The following STARD8 variants were observed in gnomAD, a reference collection of about 807,000 sequenced individuals.
The protein encoded by STARD8 is StAR related lipid transfer domain containing 8.
A neutral mutation model predicts 69.4 loss-of-function variants in STARD8; 25 were observed. The ratio of observed to expected loss-of-function variants is 0.36; its 90% CI spans 0.26 to 0.50. The LOEUF is 0.50. STARD8 is among the 20% of genes least tolerant of loss of function. The pLI is 0.96. For synonymous variants in STARD8, 389 were observed against 374.6 expected, an observed-to-expected ratio of 1.04 and a Z score of -0.45; for missense variants, 921 against 932.5, an observed-to-expected ratio of 0.99 and a Z score of 0.16.
At chrX:68,650,481 GGGAGGAGGA>G (rs373796316) in intron 1 of STARD8, among the ~76,000 whole-genome samples, 130 of 82,590 alleles carry the variant, frequency 1.6e-3, no homozygotes, top group African/African-American at 7.2e-3. Flanking sequence ...GGAGGAGGAG[GGGAGGAGGA>G]GGAGGAGGAG....
intron 2 of STARD8, among the ~76,000 whole-genome samples, chrX:68,705,934 C>T (rs2080003317): frequency 8.9e-6 from 1 of 112,528 alleles, no homozygotes; most frequent in Non-Finnish European, 1.9e-5. Flanking sequence ...GGATGTTATA[C>T]AGAAGGTAGA....
At position 68,705,629 on chromosome X, in the gene STARD8, A is replaced by T. The variant is rs2080000384; in HGVS notation, c.80-7285A>T. On this transcript the variant is annotated intron_variant, in intron 2 of 14. Coordinates refer to ENST00000374599, the MANE Select transcript of STARD8 (RefSeq NM_001142503.3). ...CCTGGGGGGAGGGTGGGCTGCCCAG[A>T]GGGGCCGGAGGCCCCAGATAAGGCA... Among the ~76,000 whole-genome samples the T allele has an allele frequency of 4.4e-5, 5 of 112,584 alleles. No homozygotes were observed. The South Asian group carries it at 1.8e-3, about 41-fold the overall frequency.
rs138743466 is a variant in STARD8, at chrX:68,697,336, T to A, written c.80-15578T>A. 8.1e-3 allele frequency among the ~76,000 whole-genome samples: 903 copies of A among 112,170 alleles called. 3 individuals carry two copies. Among genetic ancestry groups the A allele is most frequent in the African/African-American group, 0.019 (588 of 30,824 alleles). On this transcript the variant is annotated intron_variant, in intron 2 of 14. Transcript: ENST00000374599. Reference sequence around the variant, plus strand: ...CGGACAGAGGCAGTGGCATTTGAGCTGAACCTTGGAAGAGAGGCCCAGGAA... The same window carrying A: ...CGGACAGAGGCAGTGGCATTTGAGCAGAACCTTGGAAGAGAGGCCCAGGAA...
chrX:68,690,771 A>G (rs999578100), intron 2 of STARD8, among the ~76,000 whole-genome samples: 1 of 112,366 alleles, frequency 8.9e-6, no homozygotes, highest in African/African-American at 3.2e-5. Flanking sequence ...TGGGGCCAGC[A>G]TTTAGCTCTA....
At chrX:68,653,359 A>C (rs1294025943) in intron 1 of STARD8, among the ~76,000 whole-genome samples, 55 of 7,494 alleles carry the variant, frequency 7.3e-3, no homozygotes, top group Non-Finnish European at 9.1e-3. Flanking sequence ...CCCCACACAC[A>C]CCCCCAAACG....
chrX:68,693,866 C>A (rs1271774814), intron 2 of STARD8: 2 of 740,225 alleles, frequency 2.7e-6, no homozygotes, highest in Non-Finnish European at 3.2e-6. Flanking sequence ...TCCAGACAAA[C>A]GGGGGCGCCT....
chrX:68,696,205 G>T (rs926024969), intron 2 of STARD8, among the ~76,000 whole-genome samples: 3 of 112,490 alleles, frequency 2.7e-5, no homozygotes, highest in Non-Finnish European at 5.6e-5. Flanking sequence ...AGGGCTTTAG[G>T]GTGGGAAGTG....
chrX:68,689,308 C>G lies in STARD8; in HGVS notation c.80-23606C>G, dbSNP rs142274608. ...CTCCCCGAGGCGTTAGTGGGGTGCT[C>G]CATCTGCCTGCAGCAGAAAACCTCT... On this transcript the variant is annotated intron_variant, in intron 2 of 14. Coordinates refer to ENST00000374599, the MANE Select transcript of STARD8 (RefSeq NM_001142503.3). Among the ~76,000 whole-genome samples the G allele has an allele frequency of 7.9e-3, 853 of 107,435 alleles. 14 individuals carry two copies. The highest frequency in any genetic ancestry group is 0.028 in the African/African-American group (814 of 29,457). 93.3% of individuals were successfully genotyped at this position (107,435 alleles called of 115,157 possible). A position where few individuals can be genotyped will look rare whatever the true frequency, so the allele number is the denominator to read the frequency against.
rs1277587122 is a variant in STARD8, at chrX:68,722,433, C to T, written c.2586C>T (p.Asp862=). ...DCKKLFQVPQ[D]MVLQLCSSYS... is the part of the protein sequence containing the mutation. ...GTGTGCCCTCTCAGGTGCCCCAGGACATGGTGCTGCAGCTGTGCAGCTCCT... is the reference window on the plus strand; with the variant it reads ...GTGTGCCCTCTCAGGTGCCCCAGGATATGGTGCTGCAGCTGTGCAGCTCCT... The change falls in exon 12 of 15, where the codon GAC becomes GAT. Residue 862 remains aspartate (D), a synonymous_variant. Coordinates refer to ENST00000374599, the MANE Select transcript of STARD8 (RefSeq NM_001142503.3). 1 of 1,199,997 alleles carries T rather than the reference C, an allele frequency of 8.3e-7. No individual in the cohort carries two copies. Among genetic ancestry groups the T allele is most frequent in the Admixed American group, 2.2e-5 (1 of 44,901 alleles).
intron 2 of STARD8, among the ~76,000 whole-genome samples, chrX:68,688,235 A>T (rs1269809542): frequency 8.9e-6 from 1 of 111,738 alleles, no homozygotes; most frequent in African/African-American, 3.3e-5. Context: ...AACCAAACAC[A>T]TCCCATGCCC....
chrX:68,692,004 C>G (rs1206561262), intron 2 of STARD8, among the ~76,000 whole-genome samples: 5 of 112,504 alleles, frequency 4.4e-5, no homozygotes, highest in Non-Finnish European at 1.9e-5. Flanking sequence ...GACAAGGTTT[C>G]TTGCCCTTAG....
At chrX:68,662,079 C>T (rs1446856396) in intron 1 of STARD8, among the ~76,000 whole-genome samples, 1 of 107,844 alleles carries the variant, frequency 9.3e-6, no homozygotes, top group African/African-American at 3.4e-5. Context: ...GTGATCTCAG[C>T]TCACTGCAAC....
chrX:68,724,405 C>A lies in STARD8; in HGVS notation c.3295C>A (p.Pro1099Thr), dbSNP rs1195087264. Residue 1099 changes from proline (P) to threonine (T), a missense_variant, in exon 15 of 15, where the codon CCT becomes ACT. Physicochemically the swap from Pro to Thr is conservative, Grantham distance 38. Transcript: ENST00000374599. ...CTTCCCCACCCTGCAGGCAGCGGGC[C>A]CTGAGACAAAGCTGTGAGCCTTGGG... ...DSFPTLQAAG[P>T]ETKL 55 of 1,202,391 alleles carry A rather than the reference C, an allele frequency of 4.6e-5. No individual in the cohort carries two copies. The highest frequency in any genetic ancestry group is 5.6e-5 in the Non-Finnish European group (50 of 891,230).
chrX:68,684,109 G>C (rs929896889), intron 2 of STARD8, among the ~76,000 whole-genome samples: 14 of 112,640 alleles, frequency 1.2e-4, no homozygotes, highest in African/African-American at 3.9e-4. Flanking sequence ...ATCCATTCTT[G>C]CATCTCCTCT....
chrX:68,675,382 C>T (rs1218327399), intron 2 of STARD8, among the ~76,000 whole-genome samples: 2 of 111,708 alleles, frequency 1.8e-5, no homozygotes, highest in African/African-American at 3.3e-5. Context: ...GGATGAGCCA[C>T]CATGCCTTGC....
intron 1 of STARD8, among the ~76,000 whole-genome samples, chrX:68,652,873 C>CCACACACACCACACACACACA (rs2079561132): frequency 6.5e-4 from 1 of 1,535 alleles, no homozygotes; most frequent in Non-Finnish European, 1.2e-3. Context: ...ACACACACAC[C>CCACACACACCACACACACACA]CACACCCCAC....
chrX:68,713,821 G>C (rs997088789), intron 3 of STARD8, among the ~76,000 whole-genome samples: 2 of 111,688 alleles, frequency 1.8e-5, no homozygotes, highest in Non-Finnish European at 3.8e-5. Flanking sequence ...CCAAGCTCCA[G>C]ATTCATATAT....
At chrX:68,697,461 G>A (rs1037381268) in intron 2 of STARD8, among the ~76,000 whole-genome samples, 1 of 112,205 alleles carries the variant, frequency 8.9e-6, no homozygotes, top group African/African-American at 3.2e-5. Context: ...TTCTCTAGCA[G>A]TAAATGACAG....
chrX:68,688,366 C>T (rs757815580), intron 2 of STARD8, among the ~76,000 whole-genome samples: 1,337 of 110,906 alleles, frequency 0.012, 29 homozygotes, highest in African/African-American at 0.043. Flanking sequence ...AGAGACCCCT[C>T]TTCACAGGGC....
Sources: allele counts gnomAD v4.1 joint callset (sites outside exome capture counted in the v4.1 genomes callset), GRCh38; gene constraint gnomAD v4.1.1; transcripts MANE v1.5; gene names NCBI Gene and HGNC (gene_info 2026-07-23, HGNC 2026-07-21).